The following POLH variants were observed in gnomAD, a reference collection of about 807,000 sequenced individuals.
POLH encodes DNA polymerase eta transcript.
A neutral mutation model predicts 73.6 loss-of-function variants in POLH; 53 were observed. The ratio of observed to expected loss-of-function variants is 0.72; its 90% CI spans 0.58 to 0.91. The LOEUF (loss-of-function observed/expected upper bound fraction) is 0.91, where lower values mean the gene tolerates loss of function less well. POLH is among the 40% of genes least tolerant of loss of function. The pLI, the probability that POLH is intolerant of heterozygous loss-of-function variation, is 0.00. For synonymous variants in POLH, 292 were observed against 308.5 expected (o/e 0.95, Z 0.56); for missense variants, 768 against 865.4 (o/e 0.89, Z 1.41).
chr6:43,588,921 T>TC (rs1765136425), intron 4 of POLH, among the ~76,000 whole-genome samples: 1 of 152,056 alleles, frequency 6.6e-6, no homozygotes, highest in South Asian at 2.1e-4. Flanking sequence ...CACTGCAAGC[T>TC]CCGCCTCCCG....
rs1461599514 is a variant in POLH at position 43,610,695 on chromosome 6, T to C, written c.1216T>C (p.Cys406Arg). ...TGATGCATTTACTGTCATCAAGAAC[T>C]GTAATACTTCTGGAATCCAGACAGA... ...SHDAFTVIKN[C>R]NTSGIQTEWS... The change falls in exon 10 of 11, where the codon TGT becomes CGT. Residue 406 changes from cysteine (C) to arginine (R), a missense_variant. Coordinates refer to ENST00000372236, the MANE Select transcript of POLH (RefSeq NM_006502.3). 2 of 1,613,092 alleles carry C rather than the reference T, an allele frequency of 1.2e-6. No individual in the cohort carries two copies. Among genetic ancestry groups the C allele is most frequent in the Admixed American group, 1.7e-5 (1 of 60,008 alleles).
chr6:43,589,466 T>C (rs1431178681), intron 4 of POLH, among the ~76,000 whole-genome samples: 1 of 152,218 alleles, frequency 6.6e-6, no homozygotes, highest in Non-Finnish European at 1.5e-5. Context: ...CTCTGATCAC[T>C]AATTGAGATT....
At chr6:43,597,893 G>C in intron 5 of POLH, 28 bp downstream of exon 5, 1 of 1,567,110 alleles carries the variant, frequency 6.4e-7, no homozygotes, top group Non-Finnish European at 8.8e-7. Context: ...ATTTCAAAGA[G>C]AAACATTGAT....
At chr6:43,580,165 C>T (rs1357821390) in intron 1 of POLH, among the ~76,000 whole-genome samples, 1 of 147,376 alleles carries the variant, frequency 6.8e-6, no homozygotes, top group Non-Finnish European at 1.5e-5. Flanking sequence ...TCTTACACCG[C>T]CCTTAATCCA....
chr6:43,601,630 A>T lies in POLH; in HGVS notation c.764+539A>T, dbSNP rs114224258. On this transcript the variant is annotated intron_variant, in intron 6 of 10. Coordinates refer to ENST00000372236, the MANE Select transcript of POLH (RefSeq NM_006502.3). ...TGTGGCAGATACTTAATCCTGAATT[A>T]AAAAAAAATGAGCCAGGTGTGGTGG... Among the ~76,000 whole-genome samples, 1,154 of 151,592 alleles carry T rather than the reference A, an allele frequency of 7.6e-3. 15 individuals are homozygous for T. The highest frequency in any genetic ancestry group is 0.026 in the African/African-American group (1,070 of 41,396).
At chr6:43,601,486 A>G (rs903859649) in intron 6 of POLH, among the ~76,000 whole-genome samples, 1 of 151,674 alleles carries the variant, frequency 6.6e-6, no homozygotes, top group Admixed American at 6.6e-5. Flanking sequence ...GGCAAATCTC[A>G]AACTCTTGAC....
In POLH at chr6:43,618,717, G is replaced by A. The variant is rs570224794; in HGVS notation, c.*4160G>A. Among the ~76,000 whole-genome samples, 18 of 152,048 alleles carry A rather than the reference G, an allele frequency of 1.2e-4. No individual in the cohort carries two copies. The highest frequency in any genetic ancestry group is 1.8e-4 in the Non-Finnish European group (12 of 68,010). On this transcript the variant is annotated 3_prime_UTR_variant, in exon 11 of 11. Transcript: ENST00000372236. ...ACGATCTCGGCTCACTGCAACCTCC[G>A]CCTCCCGGGTTCAAGCGATTCTCCT...
chr6:43,600,535 TATG>T (rs1766619917), intron 5 of POLH, among the ~76,000 whole-genome samples: 1 of 152,240 alleles, frequency 6.6e-6, no homozygotes, highest in African/African-American at 2.4e-5. Context: ...GATACTATAT[TATG>T]ATAATTTGTG....
intron 4 of POLH, among the ~76,000 whole-genome samples, chr6:43,590,195 G>A (rs1278257462): frequency 2.6e-5 from 4 of 151,454 alleles, no homozygotes; most frequent in African/African-American, 9.7e-5. Flanking sequence ...CGTCTTTACC[G>A]AAAATACAAA....
At position 43,618,625 on chromosome 6, in the gene POLH, T is replaced by C. The variant is rs1768501342; in HGVS notation, c.*4068T>C. Among the ~76,000 whole-genome samples, 1 of 152,052 alleles carries C rather than the reference T, an allele frequency of 6.6e-6. No homozygotes were observed. The highest frequency in any genetic ancestry group is 1.5e-5 in the Non-Finnish European group (1 of 67,992). On this transcript the variant is annotated 3_prime_UTR_variant, in exon 11 of 11. Coordinates refer to ENST00000372236, the MANE Select transcript of POLH (RefSeq NM_006502.3). ...ATGGTGTACACATCCCTCCCATACATATACCCAAACTTCTATTTTTTTATG... is the reference window on the plus strand; with the variant it reads ...ATGGTGTACACATCCCTCCCATACACATACCCAAACTTCTATTTTTTTATG...
intron 2 of POLH, 71 bp downstream of exon 2, chr6:43,582,527 TGTGGTG>T (rs371325034): frequency 2.4e-5 from 35 of 1,467,802 alleles, no homozygotes; most frequent in Admixed American, 1.7e-4. Flanking sequence ...CCTTTGTTGT[TGTGGTG>T]GTGGTGGTGG....
rs967074502 is a variant in POLH at position 43,615,756 on chromosome 6, T to G, written c.*1199T>G. On this transcript the variant is annotated 3_prime_UTR_variant, in exon 11 of 11. Coordinates refer to ENST00000372236, the MANE Select transcript of POLH (RefSeq NM_006502.3). ...GGTGCGTTCTCAGCTCACCGCAACC[T>G]CCGTCTCCTGGGTTCAAGCAATTCT... 1.3e-5 allele frequency: 2 copies of G among 151,826 alleles called. No individual in the cohort carries two copies. Among genetic ancestry groups the G allele is most frequent in the East Asian group, 2.0e-4 (1 of 4,988 alleles). 9.4% of individuals were successfully genotyped at this position (151,826 alleles called of 1,614,324 possible).
At chr6:43,578,511 C>T (rs1763647055) in intron 1 of POLH, 2 of 342,768 alleles carry the variant, frequency 5.8e-6, no homozygotes, top group South Asian at 2.3e-5. Context: ...GGGACAAGAG[C>T]GAGACTTTGT....
intron 6 of POLH, among the ~76,000 whole-genome samples, chr6:43,603,356 C>T (rs1419634765): frequency 6.6e-6 from 1 of 151,976 alleles, no homozygotes; most frequent in Non-Finnish European, 1.5e-5. Flanking sequence ...TTCTCAAACT[C>T]CTGGGCTCAG....
At position 43,614,211 on chromosome 6, in the gene POLH, A is replaced by C. The variant is rs756613841; in HGVS notation, c.1796A>C (p.His599Pro). Reference sequence around the variant, plus strand: ...ACTCCTGCAGAGATGGATTTGGCCCACAACAGCCAAAGCATGCACGCCTCT... The same window carrying C: ...ACTCCTGCAGAGATGGATTTGGCCCCCAACAGCCAAAGCATGCACGCCTCT... ...KATPAEMDLAHNSQSMHASSA... is the reference protein window; with the variant it reads ...KATPAEMDLAPNSQSMHASSA... The change falls in exon 11 of 11, where the codon CAC becomes CCC. Residue 599 changes from histidine to proline, a missense_variant. His to Pro is a moderately conservative substitution (Grantham distance 77, BLOSUM62 -2). Coordinates refer to ENST00000372236, the MANE Select transcript of POLH (RefSeq NM_006502.3). 2.5e-6 allele frequency: 4 copies of C among 1,612,620 alleles called. No homozygotes were observed. Among genetic ancestry groups the C allele is most frequent in the Non-Finnish European group, 3.4e-6 (4 of 1,178,728 alleles).
Position 43,610,565 on chromosome 6 carries a change from A to T in POLH, c.1086A>T (p.Val362=). 1 of 1,613,954 alleles carries T rather than the reference A, an allele frequency of 6.2e-7. No individual in the cohort carries two copies. Among genetic ancestry groups the T allele is most frequent in the Non-Finnish European group, 8.5e-7 (1 of 1,179,870 alleles). Residue 362 remains valine (V), a synonymous_variant, in exon 10 of 11, where the codon GTA becomes GTT. Coordinates refer to ENST00000372236, the MANE Select transcript of POLH (RefSeq NM_006502.3). The part of the protein sequence containing the change: ...LTKDRNDNDR[V]ATQLVVSIRV... ...CTTTCCACCCACAGAATGACAGGGT[A>T]GCCACCCAGCTGGTTGTGAGCATTC...
At chr6:43,583,796 C>A (rs950066876) in intron 3 of POLH, among the ~76,000 whole-genome samples, 9 of 152,034 alleles carry the variant, frequency 5.9e-5, no homozygotes, top group African/African-American at 1.7e-4. Context: ...TATTACTCCC[C>A]CTTCACAGAT....
chr6:43,607,868 G>A (rs945821164), intron 9 of POLH, among the ~76,000 whole-genome samples: 3 of 152,126 alleles, frequency 2.0e-5, no homozygotes, highest in South Asian at 4.1e-4. Context: ...TTCCTGGGCC[G>A]GGCGTGGTGG....
intron 4 of POLH, among the ~76,000 whole-genome samples, chr6:43,596,465 A>T (rs1340958496): frequency 6.6e-6 from 1 of 152,210 alleles, no homozygotes; most frequent in African/African-American, 2.4e-5. Context: ...CCTGGGTGAC[A>T]GAGTGAGACT....
Sources: gnomAD v4.1 joint callset for allele counts (sites outside exome capture counted in the v4.1 genomes callset) on GRCh38, gnomAD v4.1.1 for gene constraint, MANE v1.5 for transcripts, NCBI Gene and HGNC (gene_info 2026-07-23, HGNC 2026-07-21) for gene names.